The following SORCS2 variants were observed in gnomAD, a reference collection of about 807,000 sequenced individuals.
The protein encoded by SORCS2 is VPS10 domain-containing receptor SorCS2.
SORCS2 carries 100 observed loss-of-function variants against 141.6 expected under a neutral mutation model. The observed-to-expected ratio is 0.71, with a 90% confidence interval of 0.60 to 0.83. SORCS2 has a LOEUF of 0.83. SORCS2 is among the 40% of genes least tolerant of loss of function. The pLI is 0.00. For missense variants in SORCS2, 1,646 were observed against 1,560.2 expected (o/e 1.05, Z -0.93); for synonymous variants, 789 against 676.9 (o/e 1.17, Z -2.57).
At chr4:7,672,308 A>G (rs1308806328) in intron 8 of SORCS2, among the ~76,000 whole-genome samples, 1 of 152,184 alleles carries the variant, frequency 6.6e-6, no homozygotes. Flanking sequence ...ATTACATACA[A>G]GCAATAATCA....
chr4:7,633,947 T>A (rs1008957395), intron 3 of SORCS2, among the ~76,000 whole-genome samples: 1 of 121,558 alleles, frequency 8.2e-6, no homozygotes, highest in African/African-American at 2.6e-5. Flanking sequence ...TGAGGGGGAT[T>A]TGGGCTTCCC....
Position 7,741,025 on chromosome 4 carries a change from A to C in SORCS2, c.*761A>C. 2.5e-6 allele frequency: 1 copy of C among 398,752 alleles called. No homozygotes were observed. 24.7% of individuals were successfully genotyped at this position (398,752 alleles called of 1,614,324 possible). ...GCAGACGGGGTAGGGCGGGCTCAGG[A>C]CCCAGTGCCCATGGTTCCTCACTCC... is the stretch of plus-strand genomic sequence containing the variant. On this transcript the variant is annotated 3_prime_UTR_variant, in exon 27 of 27. Coordinates refer to ENST00000507866, the MANE Select transcript of SORCS2 (RefSeq NM_020777.3).
At chr4:7,689,192 A>G (rs899086117) in intron 10 of SORCS2, among the ~76,000 whole-genome samples, 2 of 152,036 alleles carry the variant, frequency 1.3e-5, no homozygotes, top group East Asian at 3.9e-4. Flanking sequence ...GGGCTGTAGG[A>G]GTCCCTAATC....
chr4:7,588,388 T>C (rs1299896575), intron 3 of SORCS2, among the ~76,000 whole-genome samples: 1 of 152,182 alleles, frequency 6.6e-6, no homozygotes, highest in African/African-American at 2.4e-5. Flanking sequence ...GGTGTCCTCT[T>C]GTAATTGGAA....
At chr4:7,710,621 C>A (rs1725767382) in intron 14 of SORCS2, among the ~76,000 whole-genome samples, 1 of 152,178 alleles carries the variant, frequency 6.6e-6, no homozygotes, top group African/African-American at 2.4e-5. Context: ...TTGGGGCTCT[C>A]CAATGTTGAG....
At chr4:7,508,052 T>A (rs2109451807) in intron 2 of SORCS2, among the ~76,000 whole-genome samples, 1 of 152,184 alleles carries the variant, frequency 6.6e-6, no homozygotes, top group East Asian at 1.9e-4. Flanking sequence ...GGTGCAGGTG[T>A]CTGTCCGTGT....
At chr4:7,260,349 G>C (rs1714236297) in intron 1 of SORCS2, among the ~76,000 whole-genome samples, 1 of 151,900 alleles carries the variant, frequency 6.6e-6, no homozygotes, top group Admixed American at 6.6e-5. Flanking sequence ...CTCTCTGCCT[G>C]GGCTCCTCTA....
intron 1 of SORCS2, among the ~76,000 whole-genome samples, chr4:7,235,484 T>C (rs1712203071): frequency 6.7e-6 from 1 of 149,566 alleles, no homozygotes; most frequent in African/African-American, 2.6e-5. Context: ...AGTGACTGTG[T>C]CTTGACTGTA....
intron 1 of SORCS2, among the ~76,000 whole-genome samples, chr4:7,358,155 T>A (rs1005253973): frequency 2.6e-5 from 4 of 152,192 alleles, no homozygotes. Context: ...CTAACAGCAG[T>A]GTAATTTCAG....
At chr4:7,598,363 G>A (rs184875497) in intron 3 of SORCS2, among the ~76,000 whole-genome samples, 550 of 152,318 alleles carry the variant, frequency 3.6e-3, no homozygotes, top group Non-Finnish European at 5.9e-3. Context: ...CCGTGCTTCT[G>A]AGAGGCAGGG....
intron 11 of SORCS2, among the ~76,000 whole-genome samples, chr4:7,691,582 C>T (rs1724259118): frequency 1.3e-5 from 2 of 152,092 alleles, no homozygotes; most frequent in African/African-American, 4.8e-5. Flanking sequence ...TAGGCAGTGA[C>T]AGCCCATCTG....
At chr4:7,499,694 G>A (rs1426414487) in intron 2 of SORCS2, among the ~76,000 whole-genome samples, 1 of 152,122 alleles carries the variant, frequency 6.6e-6, no homozygotes, top group Non-Finnish European at 1.5e-5. Context: ...CATGCCCCGG[G>A]AGACCCTTCC....
chr4:7,280,183 C>A (rs904259003), intron 1 of SORCS2, among the ~76,000 whole-genome samples: 1 of 152,126 alleles, frequency 6.6e-6, no homozygotes, highest in African/African-American at 2.4e-5. Flanking sequence ...CTGGTCATAT[C>A]TTCTACTGCA....
intron 1 of SORCS2, among the ~76,000 whole-genome samples, chr4:7,251,188 A>C (rs1392257489): frequency 6.6e-6 from 1 of 152,186 alleles, no homozygotes; most frequent in Admixed American, 6.5e-5. Flanking sequence ...GAAAGTTTCA[A>C]GGGTAGTGGC....
intron 1 of SORCS2, among the ~76,000 whole-genome samples, chr4:7,290,323 C>A (rs989612469): frequency 6.6e-6 from 1 of 152,150 alleles, no homozygotes; most frequent in Non-Finnish European, 1.5e-5. Flanking sequence ...CAGCTGTGGG[C>A]GCCACTATCT....
At chr4:7,403,986 TATATATATA>T (rs1560256792) in intron 2 of SORCS2, among the ~76,000 whole-genome samples, 8 of 9,526 alleles carry the variant, frequency 8.4e-4, no homozygotes, top group East Asian at 2.9e-3. Context: ...TATATATATA[TATATATATA>T]TATTTTTTTT....
intron 1 of SORCS2, among the ~76,000 whole-genome samples, chr4:7,278,424 T>C (rs999411628): frequency 5.9e-5 from 9 of 152,166 alleles, no homozygotes; most frequent in African/African-American, 2.2e-4. Flanking sequence ...GGCAGACTAT[T>C]GCGATGTCCC....
intron 2 of SORCS2, among the ~76,000 whole-genome samples, chr4:7,411,121 A>G (rs1211735609): frequency 2.0e-5 from 3 of 151,564 alleles, no homozygotes; most frequent in Non-Finnish European, 4.4e-5. Context: ...ACGCCCAGCT[A>G]ATTTTTGTAT....
At chr4:7,659,922 A>G (rs1158073) in intron 5 of SORCS2, among the ~76,000 whole-genome samples, 16,172 of 152,230 alleles carry the variant, frequency 0.11, 1,693 homozygotes, top group African/African-American at 0.27. Flanking sequence ...TTTGGAAATG[A>G]CAGAACCTGG....
Sources: allele counts gnomAD v4.1 joint callset (sites outside exome capture counted in the v4.1 genomes callset), GRCh38; gene constraint gnomAD v4.1.1; transcripts MANE v1.5; gene names NCBI Gene and HGNC (gene_info 2026-07-23, HGNC 2026-07-21).